The following TESMIN variants were observed in gnomAD, a reference collection of about 807,000 sequenced individuals.
TESMIN encodes testis expressed metallothionein like protein, also known as CXC domain containing 2.
A neutral mutation model predicts 47.4 loss-of-function variants in TESMIN; 34 were observed. The observed-to-expected ratio is 0.72, with a 90% confidence interval of 0.55 to 0.96. The LOEUF is 0.96. TESMIN is among the 40% of genes least tolerant of loss of function. The pLI, the probability that TESMIN is intolerant of heterozygous loss-of-function variation, is 0.00. For missense variants in TESMIN, 610 were observed against 637.2 expected (o/e 0.96, Z 0.46); for synonymous variants, 278 against 258.9 (o/e 1.07, Z -0.71).
At position 68,750,451 on chromosome 11, in the gene TESMIN, C is replaced by T; in HGVS notation, c.210G>A (p.Ala70=). The change falls in exon 2 of 10, where the codon GCG becomes GCA. Residue 70 remains alanine (A), a synonymous_variant. Coordinates refer to ENST00000255087, the MANE Select transcript of TESMIN (RefSeq NM_004923.3). ...KEPVLHAFNP[A]LGADCKGQVK... is the part of the protein sequence containing the mutation. ...CCTGGCCCTTGCAGTCGGCGCCCAGCGCGGGGTTGAACGCGTGCAGGACGG... is the reference window on the plus strand; with the variant it reads ...CCTGGCCCTTGCAGTCGGCGCCCAGTGCGGGGTTGAACGCGTGCAGGACGG... 1 of 1,584,204 alleles carries T rather than the reference C, an allele frequency of 6.3e-7. No individual in the cohort carries two copies. The highest frequency in any genetic ancestry group is 1.8e-5 in the Admixed American group (1 of 56,740).
At position 68,750,409 on chromosome 11, in the gene TESMIN, C is replaced by CCG; in HGVS notation, c.251_252insCG (p.Asp87AlafsTer70). 1.3e-6 allele frequency: 2 copies of CCG among 1,525,282 alleles called. No individual in the cohort carries two copies. The highest frequency in any genetic ancestry group is 1.8e-6 in the Non-Finnish European group (2 of 1,132,010). The allele number at this position is 1,525,282 out of a possible 1,614,324, so 94.5% of individuals were successfully genotyped here. A position where few individuals can be genotyped will look rare whatever the true frequency, so the allele number is the denominator to read the frequency against. On this transcript the variant is annotated frameshift_variant, in exon 2 of 10. Coordinates refer to ENST00000255087, the MANE Select transcript of TESMIN (RefSeq NM_004923.3). LOFTEE classifies it high-confidence loss of function. ...GCTCCCCGCCGTCGCTGTCGCCCCC[C>CCG]GCGAGCTTCGCCTTGACCTGGCCCT...
intron 9 of TESMIN, among the ~76,000 whole-genome samples, chr11:68,710,324 A>G (rs1196264747): frequency 6.6e-6 from 1 of 152,230 alleles, no homozygotes; most frequent in African/African-American, 2.4e-5. Context: ...AATGAATGGA[A>G]TCTAATAGAT....
chr11:68,705,442 T>C (rs1216159681), downstream of TESMIN, among the ~76,000 whole-genome samples: 1 of 152,136 alleles, frequency 6.6e-6, no homozygotes, highest in Non-Finnish European at 1.5e-5. Context: ...CAAGCCGAGA[T>C]GAAAAATACA....
intron 4 of TESMIN, among the ~76,000 whole-genome samples, chr11:68,743,584 G>C (rs1283480021): frequency 1.3e-5 from 2 of 151,992 alleles, no homozygotes; most frequent in Non-Finnish European, 2.9e-5. Flanking sequence ...TTTTCAAGTG[G>C]TTACTAAGTT....
At chr11:68,743,039 G>A (rs1042031297) in intron 4 of TESMIN, among the ~76,000 whole-genome samples, 1 of 151,804 alleles carries the variant, frequency 6.6e-6, no homozygotes, top group African/African-American at 2.4e-5. Context: ...CACCATGCCT[G>A]GCTAATGTTT....
chr11:68,706,747 T>G (rs1055652758), downstream of TESMIN, among the ~76,000 whole-genome samples: 1 of 152,220 alleles, frequency 6.6e-6, no homozygotes, highest in Non-Finnish European at 1.5e-5. Flanking sequence ...TTGGGATAAA[T>G]AAAAGATTAT....
chr11:68,737,921 AAAAC>A (rs138065867), intron 6 of TESMIN: 604,521 of 978,376 alleles, frequency 0.62, 188,091 homozygotes, highest in East Asian at 0.78. Flanking sequence ...TCAAAAAAAC[AAAAC>A]AAACAAACAA....
intron 6 of TESMIN, chr11:68,737,582 C>T: frequency 1.0e-6 from 1 of 985,580 alleles, no homozygotes; most frequent in Non-Finnish European, 1.2e-6. Context: ...ACTGCTGTCT[C>T]TCAGGCCCAG....
At chr11:68,716,037 T>G in intron 6 of TESMIN, 98 bp from the exon 7 acceptor site, 1 of 778,906 alleles carries the variant, frequency 1.3e-6, no homozygotes, top group Non-Finnish European at 2.2e-6. Context: ...GGCAGTGTGC[T>G]GCAGTCAGAA....
At chr11:68,724,803 TGA>T (rs1184622091) in intron 6 of TESMIN, among the ~76,000 whole-genome samples, 1 of 152,330 alleles carries the variant, frequency 6.6e-6, no homozygotes, top group Admixed American at 6.5e-5. Context: ...GTTGTAGTTT[TGA>T]GTCTTTGTTA....
chr11:68,728,525 A>G (rs535199603), intron 6 of TESMIN, among the ~76,000 whole-genome samples: 2 of 152,350 alleles, frequency 1.3e-5, no homozygotes, highest in South Asian at 4.1e-4. Context: ...TCTCCAGAAG[A>G]TCTAGCTGAG....
rs960314673 is a variant in TESMIN at position 68,729,077 on chromosome 11, T to C, written c.917+9623A>G. Among the ~76,000 whole-genome samples, 8 of 152,368 alleles carry C rather than the reference T, an allele frequency of 5.3e-5. No individual in the cohort carries two copies. In the South Asian group the frequency reaches 1.7e-3, roughly 32 times the overall value. The stretch of plus-strand genomic sequence containing the variant: ...CTCATTATTTAAGAAATACATTTCA[T>C]AAATCTATAGCTGCTATTGATAGTG... On this transcript the variant is annotated intron_variant, in intron 6 of 9. Coordinates refer to ENST00000255087, the MANE Select transcript of TESMIN (RefSeq NM_004923.3).
intron 6 of TESMIN, among the ~76,000 whole-genome samples, chr11:68,727,007 T>C (rs1465560712): frequency 2.6e-5 from 4 of 151,784 alleles, no homozygotes; most frequent in African/African-American, 7.3e-5. Context: ...CATTGAGCTA[T>C]GATCATACCA....
At chr11:68,737,912 CA>C in intron 6 of TESMIN, 1 of 940,158 alleles carries the variant, frequency 1.1e-6, no homozygotes, top group Non-Finnish European at 1.2e-6. Context: ...GAGTCCGTCT[CA>C]AAAAAACAAA....
At chr11:68,739,842 C>T (rs1946435715) in intron 5 of TESMIN, among the ~76,000 whole-genome samples, 3 of 152,160 alleles carry the variant, frequency 2.0e-5, no homozygotes, top group African/African-American at 7.2e-5. Context: ...ATTGTTAGGC[C>T]CCTGTCTTCA....
intron 6 of TESMIN, among the ~76,000 whole-genome samples, chr11:68,734,003 C>G (rs1023526110): frequency 1.2e-4 from 18 of 152,196 alleles, no homozygotes. Context: ...TCTTCTCCCC[C>G]TGACCTATTT....
Position 68,742,391 on chromosome 11 carries a change from A to AC in TESMIN, c.754dup (p.Val252GlyfsTer3). 6.3e-7 allele frequency: 1 copy of AC among 1,580,134 alleles called. No individual in the cohort carries two copies. The highest frequency in any genetic ancestry group is 8.6e-7 in the Non-Finnish European group (1 of 1,157,274). ...TACTAAAGCAGTCATTGGTTTAGGG[A>AC]CATCTGTAAGGAAGATAATTAAAAA... is the stretch of plus-strand genomic sequence containing the variant. On this transcript the variant is annotated frameshift_variant, in exon 5 of 10. Coordinates refer to ENST00000255087, the MANE Select transcript of TESMIN (RefSeq NM_004923.3). LOFTEE classifies it high-confidence loss of function.
At position 68,750,298 on chromosome 11, in the gene TESMIN, G is replaced by A. The variant is rs746141103; in HGVS notation, c.363C>T (p.Asn121=). The A allele has an allele frequency of 2.0e-5, 31 of 1,540,624 alleles. No homozygotes were observed. The highest frequency in any genetic ancestry group is 2.7e-5 in the Non-Finnish European group (31 of 1,149,544). Reference sequence around the variant, plus strand: ...GTAGCAGCGAGGACAGGAAGTGCACGTTGCAGGCGGGCGGCTGCGGGGCCT... The same window carrying A: ...GTAGCAGCGAGGACAGGAAGTGCACATTGCAGGCGGGCGGCTGCGGGGCCT... ...LLQAPQPPAC[N]VHFLSSLLPA... Residue 121 remains asparagine (N), a synonymous_variant, in exon 2 of 10, where the codon AAC becomes AAT. Transcript: ENST00000255087.
intron 6 of TESMIN, among the ~76,000 whole-genome samples, chr11:68,722,616 A>C (rs960826152): frequency 1.3e-5 from 2 of 152,228 alleles, no homozygotes; most frequent in African/African-American, 4.8e-5. Flanking sequence ...AACATGGGTT[A>C]TTAGATTTGC....
Sources: allele counts gnomAD v4.1 joint callset (sites outside exome capture counted in the v4.1 genomes callset), GRCh38; gene constraint gnomAD v4.1.1; transcripts MANE v1.5; gene names NCBI Gene and HGNC (gene_info 2026-07-23, HGNC 2026-07-21).